Variants in KBTBD3 observed in about 807,000 individuals in gnomAD.
KBTBD3 encodes the protein kelch repeat and BTB domain containing 3.
In KBTBD3, 38 loss-of-function variants were observed where a neutral mutation model predicts 49.6. The observed-to-expected ratio is 0.77, with a 90% CI of 0.59 to 1.00. The LOEUF (loss-of-function observed/expected upper bound fraction) is 1.00. KBTBD3 is among the 50% of genes least tolerant of loss of function. KBTBD3 has a pLI of 0.00. For synonymous variants in KBTBD3, 214 were observed against 250.4 expected (o/e 0.85, Z 1.37); for missense variants, 661 against 712.0 (o/e 0.93, Z 0.81).
At chr11:106,076,314 A>G (rs1200062042) in intron 2 of KBTBD3, 193 bp downstream of exon 2, 1 of 152,234 alleles carries the variant, frequency 6.6e-6, no homozygotes, top group Admixed American at 6.5e-5. Context: ...ATATTAAGCC[A>G]ATAATTCGTT....
At chr11:106,062,235 T>C (rs1860716322) in intron 2 of KBTBD3, among the ~76,000 whole-genome samples, 1 of 152,056 alleles carries the variant, frequency 6.6e-6, no homozygotes, top group Admixed American at 6.5e-5. Context: ...ATGAAAGGCT[T>C]GGAGGTTATT....
intron 2 of KBTBD3, among the ~76,000 whole-genome samples, chr11:106,060,592 C>T (rs1251738152): frequency 6.6e-6 from 1 of 152,072 alleles, no homozygotes; most frequent in Non-Finnish European, 1.5e-5. Context: ...TAGCTGTATG[C>T]AGAAAACTGA....
At chr11:106,054,785 A>C (rs995469414) in intron 3 of KBTBD3, among the ~76,000 whole-genome samples, 2 of 151,986 alleles carry the variant, frequency 1.3e-5, no homozygotes, top group Non-Finnish European at 2.9e-5. Flanking sequence ...AAATTTCTTT[A>C]TTTATGGATT....
intron 2 of KBTBD3, among the ~76,000 whole-genome samples, chr11:106,061,418 T>A (rs1483999235): frequency 6.6e-6 from 1 of 152,244 alleles, no homozygotes; most frequent in Non-Finnish European, 1.5e-5. Context: ...GTCAGTCATA[T>A]GTGGTGTGAT....
chr11:106,058,580 C>CG (rs1224329491), intron 3 of KBTBD3, among the ~76,000 whole-genome samples: 1 of 151,678 alleles, frequency 6.6e-6, no homozygotes, highest in African/African-American at 2.4e-5. Context: ...CACGCCATTG[C>CG]GACCGGCTAA....
At chr11:106,058,018 C>A in intron 3 of KBTBD3, 1 of 398,426 alleles carries the variant, frequency 2.5e-6, no homozygotes, top group South Asian at 1.3e-4. Flanking sequence ...GATTAATGTT[C>A]CAGAGAACTT....
intron 2 of KBTBD3, among the ~76,000 whole-genome samples, chr11:106,067,572 C>G (rs1860833301): frequency 6.6e-6 from 1 of 150,426 alleles, no homozygotes; most frequent in South Asian, 2.1e-4. Flanking sequence ...GATCGTGCCA[C>G]TGCACTACAG....
chr11:106,069,503 ATAGT>A (rs1230927462), intron 2 of KBTBD3, among the ~76,000 whole-genome samples: 1 of 151,940 alleles, frequency 6.6e-6, no homozygotes, highest in Non-Finnish European at 1.5e-5. Flanking sequence ...TAAAAGTATA[ATAGT>A]TCAAAAAAAA....
At chr11:106,057,916 G>A (rs1443003870) in intron 3 of KBTBD3, 2 of 393,278 alleles carry the variant, frequency 5.1e-6, no homozygotes, top group Admixed American at 4.4e-5. Flanking sequence ...TCAACCTGTC[G>A]TCTTCTTTTT....
chr11:106,072,825 T>C (rs527932797), intron 2 of KBTBD3, among the ~76,000 whole-genome samples: 2 of 152,178 alleles, frequency 1.3e-5, no homozygotes, highest in African/African-American at 4.8e-5. Context: ...ATGCTAAGTA[T>C]ATGACAAGCA....
intron 2 of KBTBD3, among the ~76,000 whole-genome samples, chr11:106,074,596 A>G (rs990295516): frequency 6.6e-6 from 1 of 152,214 alleles, no homozygotes; most frequent in Non-Finnish European, 1.5e-5. Context: ...AATGTAACAT[A>G]AGAATTAAGG....
chr11:106,077,044 C>A (rs760657290), intron 1 of KBTBD3, among the ~76,000 whole-genome samples: 3 of 152,122 alleles, frequency 2.0e-5, no homozygotes, highest in African/African-American at 4.8e-5. Context: ...TAGGCTGCTG[C>A]TAAGGGTCGG....
intron 3 of KBTBD3, among the ~76,000 whole-genome samples, chr11:106,056,020 T>G (rs1245706291): frequency 1.3e-5 from 2 of 152,208 alleles, no homozygotes; most frequent in East Asian, 1.9e-4. Flanking sequence ...CCTTTTCAAT[T>G]TCTTGTCTCC....
chr11:106,073,937 T>C (rs117796991), intron 2 of KBTBD3, among the ~76,000 whole-genome samples: 2,394 of 152,298 alleles, frequency 0.016, 35 homozygotes, highest in South Asian at 0.024. Flanking sequence ...ATGTCAAGAA[T>C]GAATTGAAAG....
chr11:106,054,393 G>T lies in KBTBD3; in HGVS notation c.296C>A (p.Ser99Tyr). 1 of 1,603,694 alleles carries T rather than the reference G, an allele frequency of 6.2e-7. No individual in the cohort carries two copies. The highest frequency in any genetic ancestry group is 8.5e-7 in the Non-Finnish European group (1 of 1,173,970). Reference sequence around the variant, plus strand: ...GAGAAATGCTTTTACTGCCTTGGAGGACAAATTAGTAATGGTAACACTTCC... The same window carrying T: ...GAGAAATGCTTTTACTGCCTTGGAGTACAAATTAGTAATGGTAACACTTCC... ...DDGSVTITNLSSKAVKAFLDY... is the reference protein window; with the variant it reads ...DDGSVTITNLYSKAVKAFLDY... Residue 99 changes from serine to tyrosine, a missense_variant, in exon 4 of 4, where the codon TCC becomes TAC. By Grantham distance (144) the Ser-to-Tyr change is moderately radical (BLOSUM62 -2). Transcript: ENST00000531837.
At position 106,053,232 on chromosome 11, in the gene KBTBD3, C is replaced by CA; in HGVS notation, c.1456dup (p.Trp486LeufsTer3). ...CCCAAACTCTGCTACTAGTTCAGAC[C>CA]ACTGATCAGTTGTAGCATTGTATTT... is the stretch of plus-strand genomic sequence containing the variant. On this transcript the variant is annotated frameshift_variant, in exon 4 of 4. Coordinates refer to ENST00000531837, the MANE Select transcript of KBTBD3 (RefSeq NM_198439.3). LOFTEE classifies it high-confidence loss of function. The CA allele has an allele frequency of 6.8e-6, 11 of 1,613,584 alleles. No homozygotes were observed. The highest frequency in any genetic ancestry group is 9.3e-6 in the Non-Finnish European group (11 of 1,179,798).
In KBTBD3 at chr11:106,059,552, G is replaced by A. The variant is rs73554753; in HGVS notation, c.-12-443C>T. Among the ~76,000 whole-genome samples the A allele has an allele frequency of 3.3e-3, 510 of 152,276 alleles. 2 individuals are homozygous for A. Among genetic ancestry groups the A allele is most frequent in the African/African-American group, 0.011 (476 of 41,550 alleles). On this transcript the variant is annotated intron_variant, in intron 2 of 3. Transcript: ENST00000531837. ...GTTAAAATGCTGATCTTGGACCATA[G>A]ACTATATGCCTTCTGAGGTTAGACT...
At chr11:106,054,687 C>T (rs1215735122) in intron 3 of KBTBD3, among the ~76,000 whole-genome samples, 1 of 151,570 alleles carries the variant, frequency 6.6e-6, no homozygotes, top group Non-Finnish European at 1.5e-5. Context: ...TGAGCTATAG[C>T]AACTAATAAA....
intron 3 of KBTBD3, among the ~76,000 whole-genome samples, chr11:106,058,410 G>C (rs1860603441): frequency 6.6e-6 from 1 of 151,080 alleles, no homozygotes; most frequent in South Asian, 2.1e-4. Flanking sequence ...AGTTAATCTT[G>C]GTTCTAATTA....
Sources: gnomAD v4.1 joint callset for allele counts (sites outside exome capture counted in the v4.1 genomes callset) on GRCh38, gnomAD v4.1.1 for gene constraint, MANE v1.5 for transcripts, NCBI Gene and HGNC (gene_info 2026-07-23, HGNC 2026-07-21) for gene names.